Variants in MYO9A observed in about 807,000 individuals in gnomAD.
The protein encoded by MYO9A is myosin IXA, also known as unconventional myosin-IXa.
In MYO9A, 103 loss-of-function variants were observed where a neutral mutation model predicts 293.3. That is an observed-to-expected ratio of 0.35 (90% CI 0.30 to 0.41). The LOEUF is 0.41. Ranked by LOEUF, MYO9A falls within the 10% of genes least tolerant of loss-of-function variation. The pLI is 1.00. For missense variants in MYO9A, 2,685 were observed against 3,033.0 expected, an observed-to-expected ratio of 0.89 and a Z score of 2.69; for synonymous variants, 1,001 against 1,035.7, an observed-to-expected ratio of 0.97 and a Z score of 0.64.
chr15:72,087,869 C>T (rs2079790387), intron 1 of MYO9A, among the ~76,000 whole-genome samples: 1 of 152,144 alleles, frequency 6.6e-6, no homozygotes, highest in East Asian at 1.9e-4. Flanking sequence ...CTGAACTGTG[C>T]TGTTCTCCCA....
At chr15:72,104,467 T>G (rs1437019819) in intron 1 of MYO9A, among the ~76,000 whole-genome samples, 1 of 152,208 alleles carries the variant, frequency 6.6e-6, no homozygotes, top group African/African-American at 2.4e-5. Context: ...AATATAAGTC[T>G]GGTACCTAGT....
At chr15:71,921,530 C>G (rs548311790) in intron 18 of MYO9A, among the ~76,000 whole-genome samples, 1 of 152,312 alleles carries the variant, frequency 6.6e-6, no homozygotes, top group South Asian at 2.1e-4. Flanking sequence ...AAATAGAGAA[C>G]TTAGTCTGAG....
intron 4 of MYO9A, among the ~76,000 whole-genome samples, chr15:72,026,862 C>G (rs556759061): frequency 1.1e-4 from 17 of 152,146 alleles, no homozygotes; most frequent in African/African-American, 3.9e-4. Flanking sequence ...GGACAAATTC[C>G]TAGAAAGATA....
intron 37 of MYO9A, among the ~76,000 whole-genome samples, chr15:71,850,757 CTG>C (rs1202672807): frequency 1.3e-5 from 1 of 79,290 alleles, no homozygotes; most frequent in South Asian, 4.8e-4. Context: ...CAGACTGAAA[CTG>C]TGTCTCAAAA....
intron 18 of MYO9A, among the ~76,000 whole-genome samples, chr15:71,917,312 G>A (rs1306542365): frequency 3.9e-5 from 6 of 152,132 alleles, no homozygotes; most frequent in South Asian, 2.1e-4. Context: ...TGAGGTGGGC[G>A]GGTCACGAGG....
At chr15:72,003,513 G>A (rs914493359) in intron 8 of MYO9A, among the ~76,000 whole-genome samples, 6 of 151,506 alleles carry the variant, frequency 4.0e-5, no homozygotes, top group South Asian at 2.1e-4. Flanking sequence ...TGGCTAACAC[G>A]GTGAAACCCC....
At chr15:71,860,578 CT>C (rs35010281) in intron 33 of MYO9A, among the ~76,000 whole-genome samples, 8,752 of 152,072 alleles carry the variant, frequency 0.058, 444 homozygotes, top group East Asian at 0.18. Flanking sequence ...AACTTGTAGG[CT>C]TTTGAAGGCC....
chr15:72,115,979 T>C (rs1234540926), intron 1 of MYO9A, among the ~76,000 whole-genome samples: 6 of 151,428 alleles, frequency 4.0e-5, no homozygotes, highest in African/African-American at 1.5e-4. Flanking sequence ...ATATGTATTG[T>C]TAAGAAATGA....
At chr15:72,007,458 A>C (rs1238712527) in intron 8 of MYO9A, among the ~76,000 whole-genome samples, 1 of 152,120 alleles carries the variant, frequency 6.6e-6, no homozygotes, top group African/African-American at 2.4e-5. Flanking sequence ...GAAACAAAAT[A>C]ATCTAACCAA....
intron 8 of MYO9A, among the ~76,000 whole-genome samples, chr15:72,004,075 G>C (rs2076949813): frequency 6.6e-6 from 1 of 152,080 alleles, no homozygotes; most frequent in South Asian, 2.1e-4. Context: ...ATCATATTTG[G>C]TAAGGATCCT....
intron 16 of MYO9A, among the ~76,000 whole-genome samples, chr15:71,938,116 T>G (rs1055231990): frequency 1.3e-5 from 2 of 152,042 alleles, no homozygotes; most frequent in Non-Finnish European, 2.9e-5. Flanking sequence ...TAAAGAGTCA[T>G]GAAAAAGTTA....
chr15:72,099,187 C>T (rs1045893866), intron 1 of MYO9A, among the ~76,000 whole-genome samples: 8 of 152,098 alleles, frequency 5.3e-5, no homozygotes, highest in African/African-American at 1.9e-4. Context: ...CACCTGTAAT[C>T]CAGCACTTTG....
At chr15:72,071,104 G>A (rs1266248470) in intron 1 of MYO9A, among the ~76,000 whole-genome samples, 1 of 152,136 alleles carries the variant, frequency 6.6e-6, no homozygotes, top group Non-Finnish European at 1.5e-5. Flanking sequence ...TATCCACAGA[G>A]TAAACAGACA....
intron 14 of MYO9A, chr15:71,958,757 G>A (rs1468403533): frequency 6.6e-6 from 1 of 152,112 alleles, no homozygotes; most frequent in East Asian, 1.9e-4. Context: ...AGAAAATAAG[G>A]AATCTAGACT....
chr15:71,834,355 A>G (rs1207176751), intron 39 of MYO9A, among the ~76,000 whole-genome samples: 4 of 152,190 alleles, frequency 2.6e-5, no homozygotes, highest in Non-Finnish European at 5.9e-5. Context: ...CTAGGCCTAG[A>G]TTTCAGTGGC....
chr15:72,095,656 G>A lies in MYO9A; in HGVS notation c.-72+22024C>T, dbSNP rs2080039479. ...ATGTCATCTAGGACTTTCATAATTAGAAGTGAATGCCTGGCTTCAAAGCCT... is the reference window on the plus strand; with the variant it reads ...ATGTCATCTAGGACTTTCATAATTAAAAGTGAATGCCTGGCTTCAAAGCCT... On this transcript the variant is annotated intron_variant, in intron 1 of 41. Transcript: ENST00000356056. 4.3e-5 allele frequency among the ~76,000 whole-genome samples: 4 copies of A among 93,164 alleles called. 2 individuals carry two copies. The allele number at this position is 93,164 out of a possible 152,430, so 61.1% of individuals were successfully genotyped here. A position where few individuals can be genotyped will look rare whatever the true frequency, so the allele number is the denominator to read the frequency against.
chr15:71,979,199 T>G (rs1293664086), intron 11 of MYO9A, among the ~76,000 whole-genome samples: 2 of 152,192 alleles, frequency 1.3e-5, no homozygotes, highest in Admixed American at 6.5e-5. Flanking sequence ...GAATGAACAC[T>G]AACATAAACT....
chr15:71,902,920 A>C, intron 22 of MYO9A, 21 bp downstream of exon 22: 1 of 1,542,496 alleles, frequency 6.5e-7, no homozygotes, highest in Non-Finnish European at 8.8e-7. Context: ...TTTTGACCAG[A>C]GCTATACAGA....
rs962546175 is a variant in MYO9A, at chr15:71,826,198, C to CGTT, written c.*379_*381dup. On this transcript the variant is annotated 3_prime_UTR_variant, in exon 42 of 42. Transcript: ENST00000356056. ...CTTTCACGGTTAAGAAAGATTTATA[C>CGTT]GTTTTCTTCAAATGTCAGAAATGAG... 5.3e-5 allele frequency: 9 copies of CGTT among 169,540 alleles called. No homozygotes were observed. The highest frequency in any genetic ancestry group is 2.1e-4 in the African/African-American group (9 of 41,998). The allele number at this position is 169,540 out of a possible 1,614,324, so 10.5% of individuals were successfully genotyped here.
Sources: allele counts gnomAD v4.1 joint callset (sites outside exome capture counted in the v4.1 genomes callset), GRCh38; gene constraint gnomAD v4.1.1; transcripts MANE v1.5; gene names NCBI Gene and HGNC (gene_info 2026-07-23, HGNC 2026-07-21).